The following ARFGEF1 variants were observed in gnomAD, a reference collection of about 807,000 sequenced individuals.
ARFGEF1 encodes the protein ARF guanine nucleotide exchange factor 1.
Under a neutral mutation model 231.0 loss-of-function variants are expected in ARFGEF1, and 42 were observed. The ratio of observed to expected loss-of-function variants is 0.18; its 90% CI spans 0.14 to 0.24. The LOEUF is 0.24. ARFGEF1 is among the 10% of genes least tolerant of loss of function. The pLI is 1.00. For missense variants in ARFGEF1, 1,345 were observed against 2,192.0 expected (o/e 0.61, Z 7.72); for synonymous variants, 710 against 732.3 (o/e 0.97, Z 0.49).
At chr8:67,212,192 C>T (rs1248860389) in intron 33 of ARFGEF1, among the ~76,000 whole-genome samples, 1 of 152,152 alleles carries the variant, frequency 6.6e-6, no homozygotes, top group African/African-American at 2.4e-5. Flanking sequence ...AAGCGATTCT[C>T]CTGCCTCAGC....
chr8:67,241,345 C>G (rs553229582), intron 19 of ARFGEF1, among the ~76,000 whole-genome samples: 1 of 152,060 alleles, frequency 6.6e-6, no homozygotes, highest in East Asian at 1.9e-4. Flanking sequence ...ACATAAGTGC[C>G]GTACTTCTAA....
At chr8:67,178,788 T>C (rs1053437954) in intron 5 of ARFGEF1, among the ~76,000 whole-genome samples, 2 of 152,018 alleles carry the variant, frequency 1.3e-5, no homozygotes, top group Non-Finnish European at 2.9e-5. Flanking sequence ...GTTGGGCACA[T>C]GGGGCAGGGG....
chr8:67,181,644 T>C (rs200258954), intron 5 of ARFGEF1, among the ~76,000 whole-genome samples: 2 of 152,188 alleles, frequency 1.3e-5, no homozygotes, highest in African/African-American at 4.8e-5. Context: ...TTTCAGTGCA[T>C]TATTTTAAAA....
chr8:67,219,978 G>A (rs1839092207), intron 29 of ARFGEF1, among the ~76,000 whole-genome samples: 1 of 152,078 alleles, frequency 6.6e-6, no homozygotes, highest in Admixed American at 6.5e-5. Context: ...TTTCAAATGG[G>A]GATTTTTACC....
At chr8:67,253,004 T>C (rs1030232066) in intron 18 of ARFGEF1, among the ~76,000 whole-genome samples, 18 of 152,232 alleles carry the variant, frequency 1.2e-4, no homozygotes, top group African/African-American at 4.3e-4. Flanking sequence ...TCCAAATCCC[T>C]GCTGAGGTTA....
intron 1 of ARFGEF1, among the ~76,000 whole-genome samples, chr8:67,339,807 T>A (rs1225550875): frequency 6.8e-5 from 2 of 29,348 alleles, no homozygotes; most frequent in Non-Finnish European, 6.7e-5. Flanking sequence ...GGGGGGGGGA[T>A]TCTTTCTTTT....
intron 5 of ARFGEF1, among the ~76,000 whole-genome samples, chr8:67,189,328 C>A (rs1045472338): frequency 6.6e-6 from 1 of 152,138 alleles, no homozygotes; most frequent in African/African-American, 2.4e-5. Context: ...ACTTATAGCA[C>A]CTTTATTCAT....
At chr8:67,288,156 G>T in intron 6 of ARFGEF1, 91 bp from the exon 7 acceptor site, 1 of 698,450 alleles carries the variant, frequency 1.4e-6, no homozygotes, top group Non-Finnish European at 2.2e-6. Flanking sequence ...CCTAAATCAT[G>T]AGGAATAAAA....
chr8:67,259,618 A>T (rs1222411218), intron 15 of ARFGEF1, among the ~76,000 whole-genome samples, 197 bp downstream of exon 15: 1 of 152,114 alleles, frequency 6.6e-6, no homozygotes, highest in Non-Finnish European at 1.5e-5. Flanking sequence ...TTAAAAAAGA[A>T]TTTTACAGAA....
intron 20 of ARFGEF1, 64 bp downstream of exon 20, chr8:67,240,098 A>T: frequency 1.3e-6 from 2 of 1,559,336 alleles, no homozygotes; most frequent in Non-Finnish European, 1.7e-6. Flanking sequence ...TGTAATTTAA[A>T]CTATTGTAAT....
chr8:67,198,746 A>T lies in ARFGEF1; in HGVS notation c.*188T>A. 7.2e-7 allele frequency: 1 copy of T among 1,383,238 alleles called. No individual in the cohort carries two copies. The highest frequency in any genetic ancestry group is 9.3e-7 in the Non-Finnish European group (1 of 1,072,218). 85.7% of individuals were successfully genotyped at this position (1,383,238 alleles called of 1,614,324 possible). A position where few individuals can be genotyped will look rare whatever the true frequency, so the allele number is the denominator to read the frequency against. ...TTCTGCTCAACATGAGGCCAATATA[A>T]CACACAAAATCCACCAGCACTAAAA... On this transcript the variant is annotated 3_prime_UTR_variant, in exon 39 of 39. Transcript: ENST00000262215.
At position 67,200,403 on chromosome 8, in the gene ARFGEF1, T is replaced by C. The variant is rs1838286823; in HGVS notation, c.5378A>G (p.Asp1793Gly). The change falls in exon 38 of 39, where the codon GAT (aspartate) becomes GGT (glycine). Residue 1793 changes from aspartate (D) to glycine (G), a missense_variant. By Grantham distance (94) the Asp-to-Gly change is moderately conservative. Around this residue, in one of 14 missense-constraint regions of ARFGEF1, gnomAD observed 161 missense variants for 284.9 expected, o/e 0.57. Transcript: ENST00000262215. ...LFLTKVLKIS[D>G]NRFKAHASFY... Reference sequence around the variant, plus strand: ...TCGAAGCCTCATACTTACCCTATTATCACTTATCTTTAGAACTTTAGTTAG... The same window carrying C: ...TCGAAGCCTCATACTTACCCTATTACCACTTATCTTTAGAACTTTAGTTAG... The C allele has an allele frequency of 6.4e-7, 1 of 1,555,088 alleles. No homozygotes were observed. Among genetic ancestry groups the C allele is most frequent in the Non-Finnish European group, 8.9e-7 (1 of 1,126,518 alleles).
At chr8:67,243,643 G>A (rs1840000563) in intron 19 of ARFGEF1, among the ~76,000 whole-genome samples, 1 of 152,142 alleles carries the variant, frequency 6.6e-6, no homozygotes, top group South Asian at 2.1e-4. Context: ...AAGAAGGATG[G>A]GTACAAACAA....
At chr8:67,262,310 G>A (rs1193296164) in intron 14 of ARFGEF1, among the ~76,000 whole-genome samples, 2 of 152,204 alleles carry the variant, frequency 1.3e-5, no homozygotes, top group African/African-American at 4.8e-5. Flanking sequence ...AAGAGACTTA[G>A]AAGTAAAGTG....
chr8:67,279,006 A>G (rs920655514), intron 7 of ARFGEF1, among the ~76,000 whole-genome samples: 9 of 152,158 alleles, frequency 5.9e-5, no homozygotes, highest in African/African-American at 1.4e-4. Flanking sequence ...GCTCATGCCT[A>G]TAATTCCAGC....
intron 17 of ARFGEF1, among the ~76,000 whole-genome samples, chr8:67,256,724 A>G (rs914361937): frequency 1.1e-4 from 17 of 152,220 alleles, no homozygotes; most frequent in African/African-American, 4.1e-4. Context: ...TAAAACTTTA[A>G]ATCAAACTTT....
chr8:67,235,667 T>G (rs968040678), intron 22 of ARFGEF1, among the ~76,000 whole-genome samples: 1 of 151,990 alleles, frequency 6.6e-6, no homozygotes, highest in Non-Finnish European at 1.5e-5. Flanking sequence ...GAAAAAAACA[T>G]AGTGAAAGCC....
intron 20 of ARFGEF1, 51 bp from the exon 21 acceptor site, chr8:67,238,944 A>AT: frequency 7.2e-7 from 1 of 1,387,080 alleles, no homozygotes; most frequent in Non-Finnish European, 9.8e-7. Flanking sequence ...GAGCAGACTG[A>AT]TTAATTCCCC....
intron 23 of ARFGEF1, among the ~76,000 whole-genome samples, chr8:67,231,029 A>G (rs540233910): frequency 6.6e-6 from 1 of 152,244 alleles, no homozygotes; most frequent in South Asian, 2.1e-4. Flanking sequence ...TGTACTTGTA[A>G]TAACAGGTTA....
Sources: gnomAD v4.1 joint callset for allele counts (sites outside exome capture counted in the v4.1 genomes callset) on GRCh38, gnomAD v4.1.1 for gene constraint, gnomAD v4.1.1 regional missense constraint, MANE v1.5 for transcripts, NCBI Gene and HGNC (gene_info 2026-07-23, HGNC 2026-07-21) for gene names.